Variants in CCNH observed in about 807,000 individuals in gnomAD.
CCNH encodes cyclin-H.
CCNH carries 31 observed loss-of-function variants against 41.9 expected under a neutral mutation model. That is an observed-to-expected ratio of 0.74 (90% CI 0.56 to 1.00). The LOEUF (loss-of-function observed/expected upper bound fraction) is 1.00, where lower values mean the gene tolerates loss of function less well. Among genes scored for constraint, CCNH ranks in the 50% least tolerant of loss-of-function variants. CCNH has a pLI of 0.00. For synonymous variants in CCNH, 138 were observed against 136.1 expected (o/e 1.01, Z -0.10); for missense variants, 362 against 388.4 (o/e 0.93, Z 0.57).
intron 9 of CCNH, chr5:87,385,429 G>T (rs775748450): frequency 6.9e-7 from 1 of 1,440,156 alleles, no homozygotes; most frequent in South Asian, 1.2e-5. Flanking sequence ...ATTTATGAAT[G>T]CAAGTTTGAC....
intron 9 of CCNH, among the ~76,000 whole-genome samples, chr5:87,323,453 A>G (rs1756978880): frequency 6.6e-6 from 1 of 152,156 alleles, no homozygotes; most frequent in Non-Finnish European, 1.5e-5. Flanking sequence ...CTGTGCTCAT[A>G]GGGTTATTGC....
Position 87,395,097 on chromosome 5 carries a change from T to C in CCNH, c.880A>G (p.Arg294Gly), listed in dbSNP as rs760022461. 1 of 1,610,898 alleles carries C rather than the reference T, an allele frequency of 6.2e-7. No homozygotes were observed. Among genetic ancestry groups the C allele is most frequent in the Admixed American group, 1.7e-5 (1 of 59,768 alleles). ...ELALNVITKK[R>G]KGYEDDDYVS... Reference sequence around the variant, plus strand: ...TAATCATCATCTTCATAGCCTTTCCTCTTCTTCCTATAATTAAGCAACTAT... The same window carrying C: ...TAATCATCATCTTCATAGCCTTTCCCCTTCTTCCTATAATTAAGCAACTAT... Residue 294 changes from arginine (R) to glycine (G), a missense_variant, in exon 8 of 9, where the codon AGG (arginine) becomes GGG (glycine). By Grantham distance (125) the Arg-to-Gly change is moderately radical. Coordinates refer to ENST00000256897, the MANE Select transcript of CCNH (RefSeq NM_001239.4).
intron 9 of CCNH, among the ~76,000 whole-genome samples, chr5:87,359,362 A>G (rs1759899514): frequency 6.6e-6 from 1 of 152,186 alleles, no homozygotes; most frequent in Admixed American, 6.5e-5. Context: ...TGAGAAAAGG[A>G]ACACGTAGAG....
At chr5:87,409,151 G>T in intron 3 of CCNH, 139 bp downstream of exon 3, 14 of 408,986 alleles carry the variant, frequency 3.4e-5, no homozygotes, top group Middle Eastern at 4.1e-4. Context: ...AAAAAAAATA[G>T]AATTCAAGTC....
intron 9 of CCNH, chr5:87,353,074 C>T (rs1210078859): frequency 1.6e-5 from 18 of 1,107,924 alleles, no homozygotes; most frequent in South Asian, 2.7e-5. Flanking sequence ...TTAGATAATC[C>T]TTGGCAAGAA....
intron 7 of CCNH, 49 bp from the exon 8 acceptor site, chr5:87,395,153 CT>C: frequency 1.3e-6 from 2 of 1,542,788 alleles, no homozygotes; most frequent in Non-Finnish European, 1.8e-6. Flanking sequence ...GCCACAGAAA[CT>C]ATAAAATGTA....
intron 9 of CCNH, among the ~76,000 whole-genome samples, chr5:87,327,249 C>G (rs1757297774): frequency 6.6e-6 from 1 of 152,146 alleles, no homozygotes; most frequent in African/African-American, 2.4e-5. Flanking sequence ...AAGTAATCTG[C>G]CTACATTTGC....
At chr5:87,338,901 C>G (rs1014018207) in intron 9 of CCNH, among the ~76,000 whole-genome samples, 1 of 151,996 alleles carries the variant, frequency 6.6e-6, no homozygotes, top group African/African-American at 2.4e-5. Flanking sequence ...TTGTTTCCAT[C>G]ATATAATACG....
intron 2 of CCNH, 31 bp downstream of exon 2, chr5:87,411,193 G>A (rs775256683): frequency 1.3e-6 from 2 of 1,586,526 alleles, no homozygotes; most frequent in South Asian, 1.2e-5. Flanking sequence ...CCAACTAAAG[G>A]ACATTATATT....
downstream of CCNH, among the ~76,000 whole-genome samples, chr5:87,371,928 ATTATTG>A (rs1476190271): frequency 2.0e-5 from 3 of 151,664 alleles, no homozygotes; most frequent in East Asian, 2.0e-4. Flanking sequence ...TGGTTGTTTT[ATTATTG>A]TTATTGTTAT....
At chr5:87,329,645 A>G (rs1220946268) in intron 9 of CCNH, among the ~76,000 whole-genome samples, 1 of 152,182 alleles carries the variant, frequency 6.6e-6, no homozygotes. Flanking sequence ...CATAACAGAA[A>G]TTTAACAAAT....
intron 9 of CCNH, chr5:87,383,611 T>C (rs1360512703): frequency 3.5e-6 from 3 of 859,426 alleles, no homozygotes; most frequent in Non-Finnish European, 5.4e-6. Flanking sequence ...ATTTTATGGG[T>C]TCTATGAGTA....
downstream of CCNH, among the ~76,000 whole-genome samples, chr5:87,388,880 T>C (rs1210362392): frequency 6.6e-6 from 1 of 152,148 alleles, no homozygotes; most frequent in East Asian, 1.9e-4. Context: ...TGGCATATGT[T>C]CTAGATTTTT....
chr5:87,399,312 C>A, intron 7 of CCNH, 82 bp downstream of exon 7: 13 of 994,500 alleles, frequency 1.3e-5, no homozygotes, highest in South Asian at 1.3e-5. Context: ...CTCTAATGAG[C>A]AAACACCAAT....
upstream of CCNH, chr5:87,379,952 A>G (rs1178763018): frequency 1.7e-6 from 2 of 1,196,084 alleles, no homozygotes; most frequent in Non-Finnish European, 1.2e-6. Flanking sequence ...TAATATTATT[A>G]TACTCTGAAA....
At chr5:87,327,567 CT>C (rs1164525710) in intron 9 of CCNH, among the ~76,000 whole-genome samples, 12 of 152,152 alleles carry the variant, frequency 7.9e-5, no homozygotes, top group African/African-American at 2.9e-4. Flanking sequence ...TCTTGGTCTT[CT>C]GCTAGTATGC....
At chr5:87,377,710 G>A (rs1761420047), upstream of CCNH, among the ~76,000 whole-genome samples, 1 of 151,952 alleles carries the variant, frequency 6.6e-6, no homozygotes, top group South Asian at 2.1e-4. Flanking sequence ...CCAAGCTGCT[G>A]GACACAGTGC....
chr5:87,356,865 C>T (rs1759689717), intron 9 of CCNH, among the ~76,000 whole-genome samples: 1 of 152,094 alleles, frequency 6.6e-6, no homozygotes, highest in African/African-American at 2.4e-5. Context: ...CAAGGTATGC[C>T]TATATTTTCC....
intron 5 of CCNH, among the ~76,000 whole-genome samples, chr5:87,402,443 G>A (rs1763485460): frequency 6.6e-6 from 1 of 152,156 alleles, no homozygotes; most frequent in African/African-American, 2.4e-5. Flanking sequence ...TTACTCTGAA[G>A]TTTTACATAC....
Sources: allele counts gnomAD v4.1 joint callset (sites outside exome capture counted in the v4.1 genomes callset), GRCh38; gene constraint gnomAD v4.1.1; transcripts MANE v1.5; gene names NCBI Gene and HGNC (gene_info 2026-07-23, HGNC 2026-07-21).